Variants in TRIM37 observed in about 807,000 individuals in gnomAD.
TRIM37 encodes tripartite motif containing 37.
A neutral mutation model predicts 129.8 loss-of-function variants in TRIM37; 80 were observed. The ratio of observed to expected loss-of-function variants is 0.62; its 90% CI spans 0.51 to 0.74. The LOEUF (loss-of-function observed/expected upper bound fraction) is 0.74. Ranked by LOEUF, TRIM37 falls within the 30% of genes least tolerant of loss-of-function variation. The pLI is 0.00. For missense variants in TRIM37, 1,054 were observed against 1,176.5 expected, an observed-to-expected ratio of 0.90 and a Z score of 1.52; for synonymous variants, 389 against 387.1, an observed-to-expected ratio of 1.00 and a Z score of -0.06.
At chr17:59,038,099 CTAAATT>C (rs2038759859) in intron 17 of TRIM37, among the ~76,000 whole-genome samples, 1 of 152,172 alleles carries the variant, frequency 6.6e-6, no homozygotes, top group East Asian at 1.9e-4. Context: ...ACTTACAATA[CTAAATT>C]TAATCACCTG....
rs1598793866 is a variant in TRIM37, at chr17:58,999,076, C to T, written c.*301G>A. 1 of 1,195,878 alleles carries T rather than the reference C, an allele frequency of 8.4e-7. No individual in the cohort carries two copies. Among genetic ancestry groups the T allele is most frequent in the East Asian group, 5.2e-5 (1 of 19,266 alleles). 74.1% of individuals were successfully genotyped at this position (1,195,878 alleles called of 1,614,324 possible). Reference sequence around the variant, plus strand: ...GGTACATTTTCTGGCAGTTAACCAGCCTTCTGCTGTAGTAGACAAACTGCC... The same window carrying T: ...GGTACATTTTCTGGCAGTTAACCAGTCTTCTGCTGTAGTAGACAAACTGCC... On this transcript the variant is annotated 3_prime_UTR_variant, in exon 24 of 24. Coordinates refer to ENST00000262294, the MANE Select transcript of TRIM37 (RefSeq NM_015294.6).
intron 16 of TRIM37, among the ~76,000 whole-genome samples, 155 bp downstream of exon 16, chr17:59,047,528 T>C (rs1002961424): frequency 1.1e-4 from 16 of 152,214 alleles, no homozygotes; most frequent in Non-Finnish European, 1.8e-4. Flanking sequence ...ACAAAAATTA[T>C]TGGCTAAGAG....
chr17:58,998,367 G>A lies in TRIM37; in HGVS notation c.*1010C>T. 1.0e-6 allele frequency: 1 copy of A among 985,362 alleles called. No homozygotes were observed. Among genetic ancestry groups the A allele is most frequent in the Non-Finnish European group, 1.2e-6 (1 of 829,886 alleles). The allele number at this position is 985,362 out of a possible 1,614,324, so 61.0% of individuals were successfully genotyped here. ...CTCACATGTATATTTAATTATTCAT[G>A]CTTTTTCAATAGTCTCTTAGTCAAC... On this transcript the variant is annotated 3_prime_UTR_variant, in exon 24 of 24. Transcript: ENST00000262294.
At chr17:59,058,033 G>A (rs2041129471) in intron 12 of TRIM37, among the ~76,000 whole-genome samples, 1 of 151,992 alleles carries the variant, frequency 6.6e-6, no homozygotes, top group Non-Finnish European at 1.5e-5. Flanking sequence ...CATAAATATT[G>A]TTATTTCTAT....
Position 59,064,335 on chromosome 17 carries a change from G to A in TRIM37, c.860+20C>T, listed in dbSNP as rs2041753351. On this transcript the variant is annotated intron_variant, in intron 10 of 23. Coordinates refer to ENST00000262294, the MANE Select transcript of TRIM37 (RefSeq NM_015294.6). ...CTTATATACACATACAAAAAAACCAGAATTGTCAAAAACTCTTACCTGAAA... is the reference window on the plus strand; with the variant it reads ...CTTATATACACATACAAAAAAACCAAAATTGTCAAAAACTCTTACCTGAAA... 2 of 1,585,618 alleles carry A rather than the reference G, an allele frequency of 1.3e-6. No homozygotes were observed.
intron 21 of TRIM37, among the ~76,000 whole-genome samples, chr17:59,014,912 A>G (rs1325168859): frequency 3.0e-5 from 4 of 133,222 alleles, no homozygotes; most frequent in African/African-American, 1.2e-4. Context: ...TAAAAATACC[A>G]AAAAAAAAAA....
In TRIM37 at chr17:59,096,555, A is replaced by C. The variant is rs571330458; in HGVS notation, c.124-5215T>G. Reference sequence around the variant, plus strand: ...TGACAGTGAGACTCTGTCTCAAAAAAAAAAAAACAAAAAAAAAAAAACCAA... The same window carrying C: ...TGACAGTGAGACTCTGTCTCAAAAACAAAAAAACAAAAAAAAAAAAACCAA... On this transcript the variant is annotated intron_variant, in intron 2 of 23. Transcript: ENST00000262294. Among the ~76,000 whole-genome samples the C allele has an allele frequency of 1.4e-4, 20 of 141,290 alleles. No individual in the cohort carries two copies. In the East Asian group the frequency reaches 3.0e-3, roughly 21 times the overall value. The allele number at this position is 141,290 out of a possible 152,430, so 92.7% of individuals were successfully genotyped here. A position where few individuals can be genotyped will look rare whatever the true frequency, so the allele number is the denominator to read the frequency against.
chr17:59,011,408 C>A (rs1452419407), intron 22 of TRIM37, among the ~76,000 whole-genome samples: 1 of 152,176 alleles, frequency 6.6e-6, no homozygotes, highest in African/African-American at 2.4e-5. Context: ...CACCTACACA[C>A]CCTCTTCTTA....
intron 19 of TRIM37, among the ~76,000 whole-genome samples, chr17:59,024,045 C>T (rs2036933224): frequency 6.6e-6 from 1 of 151,762 alleles, no homozygotes; most frequent in South Asian, 2.1e-4. Context: ...GAAACCCCGT[C>T]TCTACTAAAA....
chr17:59,092,948 C>T (rs539614425), intron 2 of TRIM37, among the ~76,000 whole-genome samples: 32 of 151,988 alleles, frequency 2.1e-4, no homozygotes, highest in Middle Eastern at 3.4e-3. Flanking sequence ...GTCAGGAGTT[C>T]GAGACCAGCC....
In TRIM37 at chr17:59,106,517, C is replaced by CT; in HGVS notation, c.-57dup. ...ACCCGCAGGCTCCGCAGTCTGACCT[C>CT]TTAGGCGCCGGCCCGAGGTCGCCAG... On this transcript the variant is annotated 5_prime_UTR_variant, in exon 1 of 24. Transcript: ENST00000262294. 2 of 1,609,666 alleles carry CT rather than the reference C, an allele frequency of 1.2e-6. No homozygotes were observed. Among genetic ancestry groups the CT allele is most frequent in the Non-Finnish European group, 1.7e-6 (2 of 1,177,894 alleles).
chr17:59,001,606 G>C lies in TRIM37; in HGVS notation c.2804C>G (p.Pro935Arg), dbSNP rs763559706. ...HDSFMVMTQP[P>R]DEDTHSSFPD... ...GACATCATGTGCTGCACCTTCATCC[G>C]GGGGCTGTGTCATGACCATGAAGGA... Residue 935 changes from proline (P) to arginine (R), a missense_variant, in exon 23 of 24, where the codon CCG becomes CGG. Physicochemically the swap from Pro to Arg is moderately radical, Grantham distance 103 (BLOSUM62 -2). Coordinates refer to ENST00000262294, the MANE Select transcript of TRIM37 (RefSeq NM_015294.6). 1.2e-6 allele frequency: 2 copies of C among 1,613,878 alleles called. No individual in the cohort carries two copies. The highest frequency in any genetic ancestry group is 1.7e-6 in the Non-Finnish European group (2 of 1,179,888).
chr17:58,970,520 T>C, the TRIM37 span, among the ~76,000 whole-genome samples: 13 of 152,150 alleles, frequency 8.5e-5, no homozygotes, highest in African/African-American at 1.4e-4. Flanking sequence ...ACATTAACTC[T>C]TTTTAAAATG....
rs768219862 is a variant in TRIM37, at chr17:59,056,887, G to A, written c.1187C>T (p.Thr396Ile). The change falls in exon 13 of 24, where the codon ACA becomes ATA. Residue 396 changes from threonine to isoleucine, a missense_variant. Transcript: ENST00000262294. ...NEGYLNPQND[T>I]VILRFQVRSP... ...TTTTTCCTGTTACCTTAAAATCACT[G>A]TATCATTTTGTGGATTCAAGTATCC... The A allele has an allele frequency of 2.5e-6, 4 of 1,613,486 alleles. No individual in the cohort carries two copies. The highest frequency in any genetic ancestry group is 2.2e-5 in the East Asian group (1 of 44,808).
chr17:59,055,617 G>A (rs1375749608), intron 13 of TRIM37, among the ~76,000 whole-genome samples: 2 of 144,638 alleles, frequency 1.4e-5, no homozygotes, highest in Non-Finnish European at 3.0e-5. Flanking sequence ...AGAATGGTGT[G>A]AACCCGGGAG....
chr17:59,017,201 G>A, intron 20 of TRIM37, 95 bp downstream of exon 20: 2 of 1,458,676 alleles, frequency 1.4e-6, no homozygotes, highest in Non-Finnish European at 1.9e-6. Context: ...TAGCATTTTT[G>A]GTGCCCTTCA....
At chr17:59,047,011 G>A (rs547673857) in intron 16 of TRIM37, among the ~76,000 whole-genome samples, 18 of 151,778 alleles carry the variant, frequency 1.2e-4, no homozygotes, top group African/African-American at 3.9e-4. Context: ...AAAATTAGCT[G>A]GGCGAGGTGG....
intron 8 of TRIM37, 113 bp from the exon 9 acceptor site, chr17:59,071,060 TAACTC>T (rs1349330891): frequency 8.2e-7 from 1 of 1,215,896 alleles, no homozygotes; most frequent in Non-Finnish European, 1.2e-6. Flanking sequence ...ATGATAAAAA[TAACTC>T]AAAGTGAGCT....
intron 19 of TRIM37, 102 bp from the exon 20 acceptor site, chr17:59,017,526 G>C: frequency 1.3e-6 from 2 of 1,498,612 alleles, no homozygotes; most frequent in South Asian, 1.1e-5. Context: ...CATGGAAGCT[G>C]TTCTCTCTAC....
Sources: allele counts gnomAD v4.1 joint callset (sites outside exome capture counted in the v4.1 genomes callset), GRCh38; gene constraint gnomAD v4.1.1; transcripts MANE v1.5; gene names NCBI Gene and HGNC (gene_info 2026-07-23, HGNC 2026-07-21).